The following PCDHA8 variants were observed in gnomAD, a reference collection of about 807,000 sequenced individuals.
The protein encoded by PCDHA8 is protocadherin alpha 8.
PCDHA8 carries 53 observed loss-of-function variants against 61.8 expected under a neutral mutation model. The ratio of observed to expected loss-of-function variants is 0.86; its 90% CI spans 0.69 to 1.08. The LOEUF is 1.08. Among genes scored for constraint, PCDHA8 ranks in the 50% least tolerant of loss-of-function variants. The pLI, the probability that PCDHA8 is intolerant of heterozygous loss-of-function variation, is 0.00. For synonymous variants in PCDHA8, 618 were observed against 556.6 expected (o/e 1.11, Z -1.55); for missense variants, 1,293 against 1,245.0 (o/e 1.04, Z -0.58).
intron 1 of PCDHA8, chr5:140,877,626 C>T: frequency 6.2e-7 from 1 of 1,613,828 alleles, no homozygotes; most frequent in African/African-American, 1.3e-5. Context: ...TGCTGCTGTA[C>T]ACTGCGCTGC....
rs560485194 is a variant in PCDHA8 at position 140,872,763 on chromosome 5, G to A, written c.2394+29048G>A. ...AACTTGCTAAAGACATGCATATAGG[G>A]CTATATTATCTATAATATATGCTAG... On this transcript the variant is annotated intron_variant, in intron 1 of 3. Coordinates refer to ENST00000531613, the MANE Select transcript of PCDHA8 (RefSeq NM_018911.3). 2.0e-5 allele frequency among the ~76,000 whole-genome samples: 3 copies of A among 152,126 alleles called. No homozygotes were observed. The South Asian group carries it at 6.2e-4, about 32-fold the overall frequency.
chr5:140,844,369 C>G (rs1345474134), intron 1 of PCDHA8, among the ~76,000 whole-genome samples: 1 of 149,206 alleles, frequency 6.7e-6, no homozygotes, highest in Admixed American at 6.7e-5. Context: ...GATTTGTAAT[C>G]CTTCTTTTAA....
intron 1 of PCDHA8, among the ~76,000 whole-genome samples, chr5:140,974,165 G>T (rs1298109600): frequency 6.6e-6 from 1 of 152,164 alleles, no homozygotes; most frequent in Non-Finnish European, 1.5e-5. Flanking sequence ...TTTCTTTCAA[G>T]AATTTTAACT....
chr5:140,999,764 T>G (rs1587850651), intron 3 of PCDHA8, among the ~76,000 whole-genome samples: 1 of 152,284 alleles, frequency 6.6e-6, no homozygotes, highest in East Asian at 1.9e-4. Flanking sequence ...CATGATGTCT[T>G]TATACTCTTA....
At chr5:140,918,074 G>T (rs546551059) in intron 1 of PCDHA8, among the ~76,000 whole-genome samples, 1 of 152,096 alleles carries the variant, frequency 6.6e-6, no homozygotes, top group South Asian at 2.1e-4. Context: ...TCTTTCAGTA[G>T]TGTTTTATAA....
chr5:140,858,339 A>G, intron 1 of PCDHA8: 1 of 1,595,618 alleles, frequency 6.3e-7, no homozygotes, highest in African/African-American at 1.3e-5. Context: ...GGCCTGCCCA[A>G]GGCGGACCTC....
intron 1 of PCDHA8, chr5:140,865,648 T>C (rs769799199): frequency 2.6e-5 from 4 of 152,194 alleles, no homozygotes; most frequent in Non-Finnish European, 4.4e-5. Flanking sequence ...AAATACATTA[T>C]TTCATTTAAT....
At chr5:141,005,809 C>T (rs1554260384) in intron 3 of PCDHA8, among the ~76,000 whole-genome samples, 1 of 150,480 alleles carries the variant, frequency 6.6e-6, no homozygotes, top group Admixed American at 6.6e-5. Flanking sequence ...TCCAAGGAGC[C>T]AGGTATGGTG....
intron 1 of PCDHA8, chr5:140,857,065 A>G (rs782608134): frequency 6.3e-7 from 1 of 1,594,864 alleles, no homozygotes; most frequent in Non-Finnish European, 8.6e-7. Flanking sequence ...TAGTGGAACT[A>G]CTGGATGAAA....
chr5:140,841,802 G>A lies in PCDHA8; in HGVS notation c.481G>A (p.Asp161Asn). 6.2e-7 allele frequency: 1 copy of A among 1,613,944 alleles called. No homozygotes were observed. Among genetic ancestry groups the A allele is most frequent in the Non-Finnish European group, 8.5e-7 (1 of 1,179,878 alleles). ...TCCGCTAGAGGGCGCGTCCGATGCA[G>A]ATGTTGGAGCTAACTCCGTGTTAAC... ...RFPLEGASDADVGANSVLTYR... is the reference protein window; with the variant it reads ...RFPLEGASDANVGANSVLTYR... Residue 161 changes from aspartate to asparagine, a missense_variant, in exon 1 of 4, where the codon GAT becomes AAT. Physicochemically the swap from Asp to Asn is conservative, Grantham distance 23. Transcript: ENST00000531613.
Position 140,842,083 on chromosome 5 carries a change from C to G in PCDHA8, c.762C>G (p.Asn254Lys). ...QSEYEVRIFE[N>K]ADNGTTVIKL... ...AATACGAAGTAAGAATATTCGAAAA[C>G]GCAGACAACGGAACAACAGTTATCA... Residue 254 changes from asparagine (N) to lysine (K), a missense_variant, in exon 1 of 4, where the codon AAC becomes AAG. Transcript: ENST00000531613. The G allele has an allele frequency of 6.2e-7, 1 of 1,613,822 alleles. No individual in the cohort carries two copies. Among genetic ancestry groups the G allele is most frequent in the Non-Finnish European group, 8.5e-7 (1 of 1,179,856 alleles).
At chr5:140,967,942 A>G in intron 1 of PCDHA8, 1 of 1,614,226 alleles carries the variant, frequency 6.2e-7, no homozygotes, top group Non-Finnish European at 8.5e-7. Context: ...TCAATGACCA[A>G]GACTCAGGCC....
At chr5:140,865,143 T>C (rs142181937) in intron 1 of PCDHA8, 3 of 152,352 alleles carry the variant, frequency 2.0e-5, no homozygotes, top group Admixed American at 1.3e-4. Context: ...GAATTTAACA[T>C]TGTATACTTT....
rs533995955 is a variant in PCDHA8, at chr5:140,975,833, A to T, written c.2395-3116A>T. On this transcript the variant is annotated intron_variant, in intron 1 of 3. Coordinates refer to ENST00000531613, the MANE Select transcript of PCDHA8 (RefSeq NM_018911.3). ...TTAATAGGAACTGAAGTGTATTCTT[A>T]TTCTTCAGTAATACTACATCACCCA... 2.6e-5 allele frequency among the ~76,000 whole-genome samples: 4 copies of T among 152,336 alleles called. No individual in the cohort carries two copies. In the South Asian group the frequency reaches 8.3e-4, roughly 32 times the overall value.
chr5:140,843,700 T>G lies in PCDHA8; in HGVS notation c.2379T>G (p.Val793=). Residue 793 remains valine (V), a synonymous_variant, in exon 1 of 4, where the codon GTT becomes GTG. Coordinates refer to ENST00000531613, the MANE Select transcript of PCDHA8 (RefSeq NM_018911.3). ...VDVGEEQDLN[V]DHGLKPRQPN... ...TAGGCGAAGAGCAAGATTTAAATGT[T>G]GATCATGGCCTCAAAGTAAGTCCAT... The G allele has an allele frequency of 3.2e-6, 5 of 1,581,782 alleles. 1 individual carries two copies. Among genetic ancestry groups the G allele is most frequent in the Non-Finnish European group, 4.3e-6 (5 of 1,152,788 alleles).
chr5:140,875,388 G>A, intron 1 of PCDHA8: 5 of 1,468,696 alleles, frequency 3.4e-6, no homozygotes, highest in Non-Finnish European at 4.5e-6. Flanking sequence ...TGTACTTACA[G>A]AAAAGGGTGA....
At chr5:140,983,882 A>G (rs1203287819) in intron 3 of PCDHA8, among the ~76,000 whole-genome samples, 2 of 152,224 alleles carry the variant, frequency 1.3e-5, no homozygotes, top group East Asian at 3.8e-4. Flanking sequence ...TTTACTGGCA[A>G]CTTTAAGGGC....
At chr5:140,870,193 C>T in intron 1 of PCDHA8, 2 of 1,614,156 alleles carry the variant, frequency 1.2e-6, no homozygotes, top group Non-Finnish European at 8.5e-7. Flanking sequence ...GGACGCTCAG[C>T]CCAGCACGGT....
intron 1 of PCDHA8, among the ~76,000 whole-genome samples, chr5:140,892,007 T>C (rs1285446962): frequency 1.3e-5 from 2 of 152,244 alleles, no homozygotes; most frequent in South Asian, 2.1e-4. Context: ...CATTCTGTTA[T>C]AGCAGCACAA....
Sources: gnomAD v4.1 joint callset for allele counts (sites outside exome capture counted in the v4.1 genomes callset) on GRCh38, gnomAD v4.1.1 for gene constraint, MANE v1.5 for transcripts, NCBI Gene and HGNC (gene_info 2026-07-23, HGNC 2026-07-21) for gene names.